Variants in DGKB observed in about 807,000 individuals in gnomAD.
DGKB encodes the protein 90 kDa diacylglycerol kinase.
DGKB carries 67 observed loss-of-function variants against 114.3 expected under a neutral mutation model. The ratio of observed to expected loss-of-function variants is 0.59; its 90% CI spans 0.48 to 0.72. The LOEUF (loss-of-function observed/expected upper bound fraction) is 0.72. Among genes scored for constraint, DGKB ranks in the 30% least tolerant of loss-of-function variants. The pLI is 0.00. For synonymous variants in DGKB, 398 were observed against 323.1 expected, an observed-to-expected ratio of 1.23 and a Z score of -2.49; for missense variants, 907 against 975.2, an observed-to-expected ratio of 0.93 and a Z score of 0.93.
intron 25 of DGKB, among the ~76,000 whole-genome samples, chr7:14,157,171 A>C (rs2128220158): frequency 6.6e-6 from 1 of 152,264 alleles, no homozygotes; most frequent in Non-Finnish European, 1.5e-5. Flanking sequence ...AGCTTAATTT[A>C]GCAATTATCT....
chr7:14,706,786 A>C (rs2129020519), intron 6 of DGKB, among the ~76,000 whole-genome samples: 1 of 107,454 alleles, frequency 9.3e-6, no homozygotes, highest in Non-Finnish European at 1.9e-5. Context: ...AAGACACAAC[A>C]TACCAGAATC....
chr7:14,179,889 T>C (rs577253504), intron 23 of DGKB, among the ~76,000 whole-genome samples: 2 of 152,238 alleles, frequency 1.3e-5, no homozygotes, highest in Non-Finnish European at 2.9e-5. Context: ...TTTAGACTTA[T>C]TTCTCATGAA....
chr7:14,735,764 G>C (rs1831614287), intron 5 of DGKB, among the ~76,000 whole-genome samples: 1 of 152,078 alleles, frequency 6.6e-6, no homozygotes, highest in African/African-American at 2.4e-5. Flanking sequence ...TATTTAACAA[G>C]AGCAGTTTTC....
chr7:14,901,605 A>ACCCCCCCCCCC (rs1300363624), intron 1 of DGKB, among the ~76,000 whole-genome samples: 7 of 123,176 alleles, frequency 5.7e-5, no homozygotes, highest in South Asian at 3.0e-4. Context: ...AGGGATTTCC[A>ACCCCCCCCCCC]CCCCCCCCCA....
intron 25 of DGKB, among the ~76,000 whole-genome samples, chr7:14,149,989 CTAAAT>C (rs1781949853): frequency 6.6e-6 from 1 of 152,012 alleles, no homozygotes; most frequent in South Asian, 2.1e-4. Context: ...TAATTCGACT[CTAAAT>C]TAGAGAAGAC....
At chr7:14,489,794 G>A (rs943100831) in intron 20 of DGKB, among the ~76,000 whole-genome samples, 2 of 152,108 alleles carry the variant, frequency 1.3e-5, no homozygotes, top group African/African-American at 2.4e-5. Flanking sequence ...CACAAAGGAG[G>A]AGGGGAAATG....
chr7:14,297,049 T>C (rs565568573), intron 23 of DGKB, among the ~76,000 whole-genome samples: 5 of 152,192 alleles, frequency 3.3e-5, no homozygotes, highest in South Asian at 2.1e-4. Flanking sequence ...AGTTCTGAAA[T>C]TGAGACAGTA....
In DGKB at chr7:14,574,326, G is replaced by A. The variant is rs373809798; in HGVS notation, c.1656C>T (p.Asn552=). The A allele has an allele frequency of 2.6e-5, 42 of 1,612,452 alleles. No homozygotes were observed. The African/African-American group carries it at 4.7e-4, about 18-fold the overall frequency. Residue 552 remains asparagine (N), a synonymous_variant, in exon 20 of 26, where the codon AAC becomes AAT. Transcript: ENST00000402815. ...NLMKILKDIE[N]STEIMLDRWK... is the part of the protein sequence containing the mutation. ...ACCTGTCCAACATGATTTCTGTGCT[G>A]TTTTCAATGTCTTTTAGAATTTTCA...
At chr7:14,931,571 C>A (rs1432808189) in intron 1 of DGKB, among the ~76,000 whole-genome samples, 1 of 152,050 alleles carries the variant, frequency 6.6e-6, no homozygotes, top group Non-Finnish European at 1.5e-5. Flanking sequence ...GTGAAGTGAC[C>A]ATTGCTGTGC....
At chr7:14,378,283 G>A (rs1818820643) in intron 21 of DGKB, among the ~76,000 whole-genome samples, 1 of 152,088 alleles carries the variant, frequency 6.6e-6, no homozygotes, top group African/African-American at 2.4e-5. Flanking sequence ...TCATTTCAAG[G>A]GGAAGAGAAG....
At chr7:14,929,237 G>A (rs542895344) in intron 1 of DGKB, among the ~76,000 whole-genome samples, 3 of 151,866 alleles carry the variant, frequency 2.0e-5, no homozygotes, top group African/African-American at 7.3e-5. Flanking sequence ...TATTTCCTTT[G>A]GGTAGATAAC....
intron 23 of DGKB, among the ~76,000 whole-genome samples, chr7:14,270,074 A>AG (rs1417115075): frequency 7.5e-5 from 11 of 147,146 alleles, no homozygotes; most frequent in African/African-American, 2.7e-4. Context: ...AAAAAAAAAA[A>AG]AGAGAGAGAT....
chr7:14,544,704 A>AT (rs1236335849), intron 20 of DGKB, among the ~76,000 whole-genome samples: 23 of 152,206 alleles, frequency 1.5e-4, no homozygotes, highest in Non-Finnish European at 2.8e-4. Flanking sequence ...AGTCAAAAAC[A>AT]TTGGAGTCTG....
chr7:14,271,894 A>G (rs964623835), intron 23 of DGKB, among the ~76,000 whole-genome samples: 2 of 152,226 alleles, frequency 1.3e-5, no homozygotes, highest in Non-Finnish European at 2.9e-5. Flanking sequence ...ACAAAACCCA[A>G]CATTTTGCTA....
At chr7:14,542,026 A>G (rs1793546689) in intron 20 of DGKB, among the ~76,000 whole-genome samples, 2 of 152,084 alleles carry the variant, frequency 1.3e-5, no homozygotes, top group South Asian at 4.1e-4. Context: ...ATTTTTGTCA[A>G]ATGTAAATAG....
At chr7:14,466,994 G>A (rs1397179834) in intron 21 of DGKB, among the ~76,000 whole-genome samples, 1 of 152,072 alleles carries the variant, frequency 6.6e-6, no homozygotes, top group African/African-American at 2.4e-5. Flanking sequence ...GTCCATCAGA[G>A]TTTCTGGAGG....
chr7:14,663,471 T>C (rs1483272159), intron 13 of DGKB, among the ~76,000 whole-genome samples: 1 of 152,044 alleles, frequency 6.6e-6, no homozygotes, highest in Non-Finnish European at 1.5e-5. Flanking sequence ...TTGAAACTAC[T>C]GGATGGAAAC....
intron 22 of DGKB, among the ~76,000 whole-genome samples, chr7:14,342,750 G>C (rs1011727015): frequency 1.3e-5 from 2 of 151,862 alleles, no homozygotes; most frequent in African/African-American, 2.4e-5. Context: ...AGCATCACCT[G>C]TGAGACAGTT....
In DGKB at chr7:14,574,266, C is replaced by A. The variant is rs1161648724; in HGVS notation, c.1716G>T (p.Glu572Asp). The A allele has an allele frequency of 6.2e-6, 10 of 1,613,292 alleles. No homozygotes were observed. The highest frequency in any genetic ancestry group is 8.5e-6 in the Non-Finnish European group (10 of 1,179,546). The part of the protein sequence containing the change: ...KFEVIPNDKD[E>D]KGDPVPYSII... ...TACTGTAAGGCACTGGGTCTCCTTTCTCATCTTTGTCATTAGGTATGACTT... is the reference window on the plus strand; with the variant it reads ...TACTGTAAGGCACTGGGTCTCCTTTATCATCTTTGTCATTAGGTATGACTT... The change falls in exon 20 of 26, where the codon GAG becomes GAT. Residue 572 changes from glutamate to aspartate, a missense_variant. Transcript: ENST00000402815.
Sources: gnomAD v4.1 joint callset for allele counts (sites outside exome capture counted in the v4.1 genomes callset) on GRCh38, gnomAD v4.1.1 for gene constraint, MANE v1.5 for transcripts, NCBI Gene and HGNC (gene_info 2026-07-23, HGNC 2026-07-21) for gene names.